Variants in GALNT13 observed in about 807,000 individuals in gnomAD.
The protein encoded by GALNT13 is polypeptide N-acetylgalactosaminyltransferase 13.
GALNT13 carries 28 observed loss-of-function variants against 64.2 expected under a neutral mutation model. The observed-to-expected ratio is 0.44, with a 90% CI of 0.32 to 0.60. The LOEUF (loss-of-function observed/expected upper bound fraction) is 0.60, where lower values mean the gene tolerates loss of function less well. Among genes scored for constraint, GALNT13 ranks in the 20% least tolerant of loss-of-function variants. GALNT13 has a pLI of 0.05. For synonymous variants in GALNT13, 214 were observed against 224.6 expected (o/e 0.95, Z 0.42); for missense variants, 577 against 669.8 (o/e 0.86, Z 1.53).
At chr2:153,957,021 AT>A (rs1574201935) in intron 3 of GALNT13, among the ~76,000 whole-genome samples, 2 of 152,328 alleles carry the variant, frequency 1.3e-5, no homozygotes, top group African/African-American at 4.8e-5. Flanking sequence ...TTAATGTCAA[AT>A]TTCAGAAGAT....
the GALNT13 span, among the ~76,000 whole-genome samples, chr2:153,155,015 G>A: frequency 4.6e-5 from 7 of 152,126 alleles, no homozygotes; most frequent in African/African-American, 1.4e-4. Flanking sequence ...TTCTGTTTAT[G>A]TGATGAATCA....
At chr2:153,447,183 T>C in the GALNT13 span, among the ~76,000 whole-genome samples, 3 of 152,216 alleles carry the variant, frequency 2.0e-5, no homozygotes, top group African/African-American at 7.2e-5. Flanking sequence ...AGTTTATTAT[T>C]GCACCTAAAC....
At chr2:153,582,352 A>AC in the GALNT13 span, among the ~76,000 whole-genome samples, 1 of 152,098 alleles carries the variant, frequency 6.6e-6, no homozygotes, top group East Asian at 1.9e-4. Context: ...CATGTAAAAA[A>AC]TTATCCTGTT....
intron 1 of GALNT13, among the ~76,000 whole-genome samples, chr2:153,896,410 C>A (rs1687900977): frequency 6.6e-6 from 1 of 150,918 alleles, no homozygotes. Context: ...ATATATCTTT[C>A]ATTTAATCTG....
the GALNT13 span, among the ~76,000 whole-genome samples, chr2:153,596,718 GA>G: frequency 7.3e-5 from 11 of 151,442 alleles, no homozygotes; most frequent in African/African-American, 2.2e-4. Context: ...ACTCTAAAAG[GA>G]AAAAAACTGA....
chr2:153,555,082 A>G, the GALNT13 span, among the ~76,000 whole-genome samples: 4 of 151,516 alleles, frequency 2.6e-5, no homozygotes, highest in African/African-American at 9.7e-5. Context: ...AATTCATTTT[A>G]TGTTTCTATA....
At chr2:153,404,590 T>G in the GALNT13 span, among the ~76,000 whole-genome samples, 1 of 152,102 alleles carries the variant, frequency 6.6e-6, no homozygotes, top group Admixed American at 6.5e-5. Flanking sequence ...AAAATTAAGG[T>G]ATTAGTCTAC....
At chr2:153,266,060 A>G in the GALNT13 span, among the ~76,000 whole-genome samples, 3 of 152,216 alleles carry the variant, frequency 2.0e-5, no homozygotes, top group African/African-American at 4.8e-5. Flanking sequence ...TGTAGTGTAA[A>G]TGTAGCTTTT....
the GALNT13 span, among the ~76,000 whole-genome samples, chr2:153,639,951 A>T: frequency 6.6e-6 from 1 of 152,138 alleles, no homozygotes; most frequent in African/African-American, 2.4e-5. Context: ...TGATATGTCC[A>T]GGGATCAAGG....
chr2:153,883,250 CAATT>C (rs1403878137), intron 1 of GALNT13, among the ~76,000 whole-genome samples: 2 of 151,478 alleles, frequency 1.3e-5, no homozygotes, highest in African/African-American at 4.8e-5. Flanking sequence ...AAAAATCTAT[CAATT>C]CTAATAAAAA....
chr2:153,165,231 C>G, the GALNT13 span, among the ~76,000 whole-genome samples: 1 of 152,170 alleles, frequency 6.6e-6, no homozygotes, highest in Non-Finnish European at 1.5e-5. Flanking sequence ...CATTATAAAA[C>G]TGTGGTGAAA....
rs1052856262 is a variant in GALNT13, at chr2:154,215,226, A to G, written c.312-26804A>G. Among the ~76,000 whole-genome samples the G allele has an allele frequency of 2.0e-5, 3 of 152,120 alleles. No homozygotes were observed. The East Asian group carries it at 5.8e-4, about 29-fold the overall frequency. ...CCAATAATTTCCCCTTTTATGCCTG[A>G]ACTAATTTGAACTGAATCTCTGTCA... is the stretch of plus-strand genomic sequence containing the variant. On this transcript the variant is annotated intron_variant, in intron 4 of 12. Transcript: ENST00000392825.
At chr2:153,248,465 T>G in the GALNT13 span, among the ~76,000 whole-genome samples, 4 of 151,818 alleles carry the variant, frequency 2.6e-5, no homozygotes, top group African/African-American at 9.7e-5. Context: ...CAAAAACCGC[T>G]TGATTATTTT....
the GALNT13 span, among the ~76,000 whole-genome samples, chr2:153,343,133 T>C: frequency 2.0e-5 from 3 of 152,318 alleles, no homozygotes; most frequent in Middle Eastern, 3.4e-3. Flanking sequence ...TGACTTTAGG[T>C]CTTGTTAGAC....
At chr2:153,075,757 C>T in the GALNT13 span, among the ~76,000 whole-genome samples, 1 of 152,086 alleles carries the variant, frequency 6.6e-6, no homozygotes, top group Non-Finnish European at 1.5e-5. Context: ...TATTTTCTCC[C>T]TCTTTTATAG....
chr2:153,504,041 T>G, the GALNT13 span, among the ~76,000 whole-genome samples: 1 of 152,202 alleles, frequency 6.6e-6, no homozygotes, highest in Non-Finnish European at 1.5e-5. Flanking sequence ...CATTTGTTTG[T>G]TTGTGTTGTT....
At chr2:153,857,131 A>G in the GALNT13 span, among the ~76,000 whole-genome samples, 2 of 152,168 alleles carry the variant, frequency 1.3e-5, no homozygotes, top group African/African-American at 4.8e-5. Flanking sequence ...GCCAGCTTGC[A>G]TCAATGTGTA....
chr2:154,013,816 C>T (rs548763490), intron 3 of GALNT13, among the ~76,000 whole-genome samples: 5 of 152,204 alleles, frequency 3.3e-5, no homozygotes, highest in East Asian at 1.9e-4. Flanking sequence ...CGAGGTCGGT[C>T]GGCCCTTGCG....
chr2:153,292,232 G>T, the GALNT13 span, among the ~76,000 whole-genome samples: 1 of 152,120 alleles, frequency 6.6e-6, no homozygotes, highest in African/African-American at 2.4e-5. Flanking sequence ...GAGGGAGCAG[G>T]TGGCAAAGGG....
Sources: allele counts gnomAD v4.1 joint callset (sites outside exome capture counted in the v4.1 genomes callset), GRCh38; gene constraint gnomAD v4.1.1; transcripts MANE v1.5; gene names NCBI Gene and HGNC (gene_info 2026-07-23, HGNC 2026-07-21).